Variants in CELSR1 observed in about 807,000 individuals in gnomAD.
CELSR1 encodes adhesion G protein-coupled receptor C1.
CELSR1 carries 110 observed loss-of-function variants against 249.1 expected under a neutral mutation model. The observed-to-expected ratio is 0.44, with a 90% CI of 0.38 to 0.52. The LOEUF is 0.52. Among genes scored for constraint, CELSR1 ranks in the 20% least tolerant of loss-of-function variants. CELSR1 has a pLI of 0.00. For synonymous variants in CELSR1, 2,113 were observed against 1,900.0 expected (o/e 1.11, Z -2.92); for missense variants, 4,109 against 4,296.4 (o/e 0.96, Z 1.22).
chr22:46,376,463 C>G (rs914631516), intron 24 of CELSR1, among the ~76,000 whole-genome samples: 3 of 152,174 alleles, frequency 2.0e-5, no homozygotes, highest in Admixed American at 6.6e-5. Context: ...CAACCTCTGC[C>G]TCCCAGGCTC....
chr22:46,535,690 A>G lies in CELSR1; in HGVS notation c.1481T>C (p.Ile494Thr), dbSNP rs1232309800. 1 of 1,612,914 alleles carries G rather than the reference A, an allele frequency of 6.2e-7. No individual in the cohort carries two copies. The highest frequency in any genetic ancestry group is 8.5e-7 in the Non-Finnish European group (1 of 1,180,034). The change falls in exon 1 of 35, where the codon ATT becomes ACT. Residue 494 changes from isoleucine to threonine, a missense_variant. By Grantham distance (89) the Ile-to-Thr change is moderately conservative. Around this residue, in one of 7 missense-constraint regions of CELSR1, gnomAD observed 135 missense variants for 190.0 expected, o/e 0.71. Transcript: ENST00000674500. ...TDRDQGQNAA[I>T]HYSILSGNVA... ...GTTCCCGCTGAGGATGCTGTAGTGA[A>G]TGGCCGCGTTCTGGCCCTGGTCCCG...
Position 46,389,481 on chromosome 22 carries a change from T to C in CELSR1, c.6364A>G (p.Asn2122Asp), listed in dbSNP as rs761827454. The C allele has an allele frequency of 1.9e-6, 3 of 1,613,352 alleles. No individual in the cohort carries two copies. The highest frequency in any genetic ancestry group is 2.2e-5 in the South Asian group (2 of 91,084). Residue 2122 changes from asparagine to aspartate, a missense_variant, in exon 18 of 35, where the codon AAT becomes GAT. Asn to Asp is a conservative substitution (Grantham distance 23). Around this residue, in one of 7 missense-constraint regions of CELSR1, gnomAD observed 1,805 missense variants for 1,831.6 expected, o/e 0.99. Coordinates refer to ENST00000674500, the MANE Select transcript of CELSR1 (RefSeq NM_001378328.1). ...CTGGCGCCGTCCACCTGCGTCTCAT[T>C]GCGGCTCAGCTTCTCATTCTGGAAC... is the stretch of plus-strand genomic sequence containing the variant. ...LRAMNEKLSR[N>D]ETQVDGARAL...
At position 46,406,576 on chromosome 22, in the gene CELSR1, G is replaced by A. The variant is rs2079268376; in HGVS notation, c.5226+2420C>T. ...ACACTCCAACCAGGCACTCATGATGGGGAGGGCATGTGCTGGGCAGTCCCT... is the reference window on the plus strand; with the variant it reads ...ACACTCCAACCAGGCACTCATGATGAGGAGGGCATGTGCTGGGCAGTCCCT... On this transcript the variant is annotated intron_variant, in intron 9 of 34. Coordinates refer to ENST00000674500, the MANE Select transcript of CELSR1 (RefSeq NM_001378328.1). The surrounding 1 kb of genome is among the most constrained non-coding windows in gnomAD (Gnocchi z 5.4). Among the ~76,000 whole-genome samples, 1 of 152,212 alleles carries A rather than the reference G, an allele frequency of 6.6e-6. No individual in the cohort carries two copies. The highest frequency in any genetic ancestry group is 1.5e-5 in the Non-Finnish European group (1 of 68,040).
chr22:46,533,985 C>T lies in CELSR1; in HGVS notation c.3186G>A (p.Leu1062=). ...CATACTCCCGCCGGACCTCAAAGTC[C>T]AGCTCCACCATGGCACGCAGGTCCC... ...LNGDLRAMVE[L]DFEVRREYVL... The change falls in exon 1 of 35, where the codon CTG becomes CTA. Residue 1062 remains leucine (L), a synonymous_variant. Transcript: ENST00000674500. 1.2e-6 allele frequency: 2 copies of T among 1,613,648 alleles called. No homozygotes were observed. The highest frequency in any genetic ancestry group is 1.7e-6 in the Non-Finnish European group (2 of 1,180,038).
rs1207865637 is a variant in CELSR1 at position 46,526,211 on chromosome 22, A to G, written c.3544+7416T>C. Among the ~76,000 whole-genome samples, 1 of 152,066 alleles carries G rather than the reference A, an allele frequency of 6.6e-6. No homozygotes were observed. The highest frequency in any genetic ancestry group is 1.5e-5 in the Non-Finnish European group (1 of 68,012). On this transcript the variant is annotated intron_variant, in intron 1 of 34. Transcript: ENST00000674500. The surrounding 1 kb of genome is among the most constrained non-coding windows in gnomAD (Gnocchi z 4.7). ...CCTCCAGGTCTGATGACTCAGAGAG[A>G]GGCAGAAGTTACTGTCCTGGCAAAC...
At position 46,437,263 on chromosome 22, in the gene CELSR1, C is replaced by T. The variant is rs1018562997; in HGVS notation, c.4407-974G>A. 3.3e-5 allele frequency among the ~76,000 whole-genome samples: 5 copies of T among 152,206 alleles called. No homozygotes were observed. Among genetic ancestry groups the T allele is most frequent in the Admixed American group, 3.3e-4 (5 of 15,286 alleles). The stretch of plus-strand genomic sequence containing the variant: ...GACCCAAATCACCACAACACCTCCC[C>T]CACCTCCCTGGTTTCAGAGAACTTG... On this transcript the variant is annotated intron_variant, in intron 3 of 34. Transcript: ENST00000674500. The surrounding 1 kb of genome is among the most constrained non-coding windows in gnomAD (Gnocchi z 4.9).
In CELSR1 at chr22:46,372,996, G is replaced by A. The variant is rs2078872603; in HGVS notation, c.7646C>T (p.Thr2549Ile). 1 of 1,613,062 alleles carries A rather than the reference G, an allele frequency of 6.2e-7. No individual in the cohort carries two copies. Among genetic ancestry groups the A allele is most frequent in the Non-Finnish European group, 8.5e-7 (1 of 1,179,838 alleles). The stretch of plus-strand genomic sequence containing the variant: ...GTAGACATGCAGGCTCTCCACGAGG[G>A]TCCAGGCAAAGGTGCTCATGTAGAT... ...HYIYMSTFAW[T>I]LVESLHVYRM... is the part of the protein sequence containing the mutation. Residue 2549 changes from threonine to isoleucine, a missense_variant, in exon 25 of 35, where the codon ACC (threonine) becomes ATC (isoleucine). Around this residue, in one of 7 missense-constraint regions of CELSR1, gnomAD observed 1,805 missense variants for 1,831.6 expected, o/e 0.99. Coordinates refer to ENST00000674500, the MANE Select transcript of CELSR1 (RefSeq NM_001378328.1).
At chr22:46,377,639 A>G (rs908704927) in intron 23 of CELSR1, 1 of 300,496 alleles carries the variant, frequency 3.3e-6, no homozygotes, top group Non-Finnish European at 6.5e-6. Flanking sequence ...CATCCTGGCC[A>G]TGAGACAAGC....
At position 46,391,011 on chromosome 22, in the gene CELSR1, C is replaced by T. The variant is rs1486159358; in HGVS notation, c.6250+175G>A. Among the ~76,000 whole-genome samples, 1 of 152,236 alleles carries T rather than the reference C, an allele frequency of 6.6e-6. No individual in the cohort carries two copies. Among genetic ancestry groups the T allele is most frequent in the Non-Finnish European group, 1.5e-5 (1 of 68,042 alleles). On this transcript the variant is annotated intron_variant, in intron 16 of 34. Transcript: ENST00000674500. This position sits in a 1 kb window ranked among gnomAD's most constrained non-coding sequence, Gnocchi z 4.3. ...TGCACTGTTCATGTTTCTGTTGCGC[C>T]CTCTGCCTGCTTTGTGTATTTCCTG...
rs1265747483 is a variant in CELSR1, at chr22:46,445,583, T to A, written c.4184-6172A>T. Among the ~76,000 whole-genome samples the A allele has an allele frequency of 2.6e-5, 4 of 152,174 alleles. No individual in the cohort carries two copies. The stretch of plus-strand genomic sequence containing the variant: ...GACTTAAGGACCCAAACTCATTACA[T>A]CTGGAAAGAGCCCATTTCCAACTGA... On this transcript the variant is annotated intron_variant, in intron 2 of 34. Coordinates refer to ENST00000674500, the MANE Select transcript of CELSR1 (RefSeq NM_001378328.1). This position sits in a 1 kb window ranked among gnomAD's most constrained non-coding sequence, Gnocchi z 4.4.
chr22:46,380,759 T>G lies in CELSR1; in HGVS notation c.7256+29A>C, dbSNP rs983514690. On this transcript the variant is annotated intron_variant, in intron 22 of 34. Transcript: ENST00000674500. The surrounding 1 kb of genome is among the most constrained non-coding windows in gnomAD (Gnocchi z 5.1). Reference sequence around the variant, plus strand: ...GGGGCACTCTGCCTTGGCAAAGCCCTCACATGGGGCTCCTGGCGTCACACT... The same window carrying G: ...GGGGCACTCTGCCTTGGCAAAGCCCGCACATGGGGCTCCTGGCGTCACACT... The G allele has an allele frequency of 6.2e-7, 1 of 1,604,720 alleles. No homozygotes were observed. The highest frequency in any genetic ancestry group is 8.5e-7 in the Non-Finnish European group (1 of 1,174,936).
chr22:46,537,043 G>A lies in CELSR1; in HGVS notation c.128C>T (p.Ala43Val). 1.8e-6 allele frequency: 2 copies of A among 1,093,328 alleles called. No homozygotes were observed. Among genetic ancestry groups the A allele is most frequent in the Non-Finnish European group, 2.2e-6 (2 of 900,064 alleles). The allele number at this position is 1,093,328 out of a possible 1,614,324, so 67.7% of individuals were successfully genotyped here. Residue 43 changes from alanine to valine, a missense_variant, in exon 1 of 35, where the codon GCC becomes GTC. Ala to Val is a moderately conservative substitution (Grantham distance 64). This residue lies in a region of CELSR1 where 673 missense variants were observed against 636.8 expected (regional missense o/e 1.06). Coordinates refer to ENST00000674500, the MANE Select transcript of CELSR1 (RefSeq NM_001378328.1). This position sits in a 1 kb window ranked among gnomAD's most constrained non-coding sequence, Gnocchi z 5.8. ...CGCGTAGGTACAGCCGGGCCGGAGGGCGAAGGCGCGGGTCCCGCCGGGTAC... is the reference window on the plus strand; with the variant it reads ...CGCGTAGGTACAGCCGGGCCGGAGGACGAAGGCGCGGGTCCCGCCGGGTAC... ...PRVPGGTRAF[A>V]LRPGCTYAVG...
Position 46,398,763 on chromosome 22 carries a change from A to G in CELSR1, c.5413-126T>C. ...AACAAACTCCGCAGAGCCTGAGGACATCTGGGCCTCCAAAGAGAGAGCTGG... is the reference window on the plus strand; with the variant it reads ...AACAAACTCCGCAGAGCCTGAGGACGTCTGGGCCTCCAAAGAGAGAGCTGG... On this transcript the variant is annotated intron_variant, in intron 10 of 34. Coordinates refer to ENST00000674500, the MANE Select transcript of CELSR1 (RefSeq NM_001378328.1). The surrounding 1 kb of genome is among the most constrained non-coding windows in gnomAD (Gnocchi z 7.2). 1.5e-6 allele frequency: 1 copy of G among 677,368 alleles called. No individual in the cohort carries two copies. The highest frequency in any genetic ancestry group is 2.2e-5 in the South Asian group (1 of 45,820). 42.0% of individuals were successfully genotyped at this position (677,368 alleles called of 1,614,324 possible).
chr22:46,368,706 C>T (rs1320328620), intron 27 of CELSR1, among the ~76,000 whole-genome samples: 3 of 151,972 alleles, frequency 2.0e-5, no homozygotes, highest in East Asian at 1.9e-4. Context: ...TTTGGGGCCT[C>T]GAAGGTCCCC....
rs1243196062 is a variant in CELSR1 at position 46,500,838 on chromosome 22, A to G, written c.3544+32789T>C. ...CTACATTGCGTCTCTCAGGCTCAGA[A>G]CATCCCCCATCTGCGGGCAGAGCTG... is the stretch of plus-strand genomic sequence containing the variant. On this transcript the variant is annotated intron_variant, in intron 1 of 34. Transcript: ENST00000674500. This position sits in a 1 kb window ranked among gnomAD's most constrained non-coding sequence, Gnocchi z 4.9. Among the ~76,000 whole-genome samples, 2 of 152,158 alleles carry G rather than the reference A, an allele frequency of 1.3e-5. No individual in the cohort carries two copies. Among genetic ancestry groups the G allele is most frequent in the African/African-American group, 4.8e-5 (2 of 41,506 alleles).
At chr22:46,449,228 C>A (rs1188342139) in intron 2 of CELSR1, among the ~76,000 whole-genome samples, 3 of 151,760 alleles carry the variant, frequency 2.0e-5, no homozygotes, top group Non-Finnish European at 4.4e-5. Flanking sequence ...CATCACACAT[C>A]CATCCAGCCA....
intron 1 of CELSR1, among the ~76,000 whole-genome samples, chr22:46,533,114 G>A (rs113341242): frequency 2.0e-5 from 3 of 152,302 alleles, no homozygotes; most frequent in African/African-American, 4.8e-5. Flanking sequence ...TTATCTGCAG[G>A]AGACAGAAAA....
Position 46,417,986 on chromosome 22 carries a change from C to T in CELSR1, c.4612-6227G>A, listed in dbSNP as rs1435707030. 6.6e-6 allele frequency among the ~76,000 whole-genome samples: 1 copy of T among 152,254 alleles called. No individual in the cohort carries two copies. The highest frequency in any genetic ancestry group is 1.5e-5 in the Non-Finnish European group (1 of 68,052). ...GCCCCTACTTGGGAAAGTCACATGA[C>T]TTCCCTGCATGCCAGGACTTGGCTG... On this transcript the variant is annotated intron_variant, in intron 5 of 34. Coordinates refer to ENST00000674500, the MANE Select transcript of CELSR1 (RefSeq NM_001378328.1). This position sits in a 1 kb window ranked among gnomAD's most constrained non-coding sequence, Gnocchi z 4.1.
Position 46,363,832 on chromosome 22 carries a change from C to T in CELSR1, c.9035+164G>A, listed in dbSNP as rs2078732945. 5.4e-6 allele frequency: 5 copies of T among 927,338 alleles called. No individual in the cohort carries two copies. The South Asian group carries it at 7.4e-5, about 14-fold the overall frequency. The allele number at this position is 927,338 out of a possible 1,614,324, so 57.4% of individuals were successfully genotyped here. ...CATCTCCGGGGTATCCTCCTGACCT[C>T]AGCTGCAGCGCCTCCCCCCTCCCCC... On this transcript the variant is annotated intron_variant, in intron 34 of 34. Coordinates refer to ENST00000674500, the MANE Select transcript of CELSR1 (RefSeq NM_001378328.1). This position sits in a 1 kb window ranked among gnomAD's most constrained non-coding sequence, Gnocchi z 4.3.
Sources: allele counts gnomAD v4.1 joint callset (sites outside exome capture counted in the v4.1 genomes callset), GRCh38; gene constraint gnomAD v4.1.1; regional missense constraint gnomAD v4.1.1; non-coding constraint Gnocchi (gnomAD v3.1); transcripts MANE v1.5; gene names NCBI Gene and HGNC (gene_info 2026-07-23, HGNC 2026-07-21).